Variants in ZDHHC11 observed in about 807,000 individuals in gnomAD.
ZDHHC11 encodes the protein zDHHC palmitoyltransferase 11, also known as palmitoyltransferase ZDHHC11.
Under a neutral mutation model 51.3 loss-of-function variants are expected in ZDHHC11, and 44 were observed. The ratio of observed to expected loss-of-function variants is 0.86; its 90% CI spans 0.67 to 1.10. The LOEUF is 1.10. Ranked by LOEUF, ZDHHC11 falls within the 50% of genes least tolerant of loss-of-function variation. The pLI is 0.00. For synonymous variants in ZDHHC11, 163 were observed against 222.0 expected (o/e 0.73, Z 2.36); for missense variants, 400 against 537.7 (o/e 0.74, Z 2.53).
At chr5:807,273 T>G (rs1204416533) in intron 11 of ZDHHC11, among the ~76,000 whole-genome samples, 1 of 150,018 alleles carries the variant, frequency 6.7e-6, no homozygotes, top group Non-Finnish European at 1.5e-5. Flanking sequence ...AATGAAAAAG[T>G]ATCCAATGTA....
At chr5:822,544 G>C (rs1212246332) in intron 8 of ZDHHC11, among the ~76,000 whole-genome samples, 3 of 151,578 alleles carry the variant, frequency 2.0e-5, no homozygotes, top group African/African-American at 7.3e-5. Context: ...CATATGATAA[G>C]TACATGCTCA....
chr5:852,599 G>A (rs185252325), upstream of ZDHHC11, among the ~76,000 whole-genome samples: 8 of 149,120 alleles, frequency 5.4e-5, no homozygotes, highest in Middle Eastern at 3.5e-3. Flanking sequence ...CAGACGCCAC[G>A]GAGGACAGTA....
chr5:829,561 C>T (rs1430388145), intron 7 of ZDHHC11, among the ~76,000 whole-genome samples: 7 of 151,486 alleles, frequency 4.6e-5, no homozygotes, highest in African/African-American at 1.7e-4. Context: ...TTCTATCAGG[C>T]ATCCAAAGAA....
intron 7 of ZDHHC11, among the ~76,000 whole-genome samples, chr5:831,493 T>G (rs612416): frequency 0.2 from 29,039 of 146,748 alleles, 4,215 homozygotes; most frequent in African/African-American, 0.38. Context: ...TGATGCAGGA[T>G]AATCGCTTCA....
chr5:838,427 C>T (rs1344387812), intron 5 of ZDHHC11, among the ~76,000 whole-genome samples: 3 of 152,098 alleles, frequency 2.0e-5, no homozygotes, highest in African/African-American at 2.4e-5. Flanking sequence ...CTGGGGCGGC[C>T]GCCCACAGAG....
upstream of ZDHHC11, among the ~76,000 whole-genome samples, chr5:859,137 T>C (rs943050311): frequency 9.9e-5 from 15 of 151,970 alleles, no homozygotes; most frequent in Non-Finnish European, 5.9e-5. Flanking sequence ...GTGGTCCATT[T>C]CCAAGACAAG....
chr5:841,571 C>T, intron 4 of ZDHHC11: 1 of 1,001,672 alleles, frequency 1.0e-6, no homozygotes, highest in Non-Finnish European at 1.2e-6. Flanking sequence ...AGCCTGCCAG[C>T]TCTGCCAGGC....
chr5:836,864 C>G lies in ZDHHC11; in HGVS notation c.900+501G>C, dbSNP rs539623348. Among the ~76,000 whole-genome samples, 52 of 149,772 alleles carry G rather than the reference C, an allele frequency of 3.5e-4. 3 individuals are homozygous for G. The highest frequency in any genetic ancestry group is 6.9e-4 in the Non-Finnish European group (46 of 67,146). On this transcript the variant is annotated intron_variant, in intron 6 of 12. Transcript: ENST00000283441. The stretch of plus-strand genomic sequence containing the variant: ...TCACCTGAGGCCAGAAGTTTGAGAC[C>G]AGCCTGGCGTGTTAAAACCACATCT...
rs144178902 is a variant in ZDHHC11 at position 850,417 on chromosome 5, G to A, written c.186C>T (p.Pro62=). Residue 62 remains proline, a synonymous_variant, in exon 1 of 13, where the codon CCC becomes CCT. Coordinates refer to ENST00000283441, the MANE Select transcript of ZDHHC11 (RefSeq NM_024786.3). ...TGTATTTCCACGCGTGAGGCAGGAAGGGAATGAAGATCCCGAAGGTGGCCG... is the reference window on the plus strand; with the variant it reads ...TGTATTTCCACGCGTGAGGCAGGAAAGGAATGAAGATCCCGAAGGTGGCCG... The part of the protein sequence containing the change: ...LSSATFGIFI[P]FLPHAWKYIA... The A allele has an allele frequency of 3.7e-6, 6 of 1,613,654 alleles. No individual in the cohort carries two copies. Among genetic ancestry groups the A allele is most frequent in the Non-Finnish European group, 5.1e-6 (6 of 1,180,016 alleles).
At chr5:854,183 C>T (rs1316867761), upstream of ZDHHC11, among the ~76,000 whole-genome samples, 1 of 147,448 alleles carries the variant, frequency 6.8e-6, no homozygotes, top group African/African-American at 2.5e-5. Flanking sequence ...GGACAGCGAG[C>T]CGGGGGGACA....
chr5:838,259 C>T (rs1353920995), intron 5 of ZDHHC11, among the ~76,000 whole-genome samples: 1 of 151,990 alleles, frequency 6.6e-6, no homozygotes, highest in African/African-American at 2.4e-5. Context: ...AAACCTGATA[C>T]ACCCGTTTAT....
intron 7 of ZDHHC11, among the ~76,000 whole-genome samples, 157 bp from the exon 8 acceptor site, chr5:825,408 T>A (rs768340742): frequency 6.6e-6 from 1 of 152,056 alleles, no homozygotes; most frequent in African/African-American, 2.4e-5. Flanking sequence ...GTTGTCTAAG[T>A]ACTCCTGCGT....
chr5:819,754 G>A lies in ZDHHC11; in HGVS notation c.1059-142C>T, dbSNP rs555909453. ...GAAACTGGAGACCAGCAGCTCCCGG[G>A]AGGTTGTGTGAGTGCTCCCGGGTTA... On this transcript the variant is annotated intron_variant, in intron 9 of 12. Coordinates refer to ENST00000283441, the MANE Select transcript of ZDHHC11 (RefSeq NM_024786.3). 5.0e-5 allele frequency: 39 copies of A among 783,898 alleles called. 2 individuals carry two copies. The highest frequency in any genetic ancestry group is 8.3e-5 in the Non-Finnish European group (39 of 472,590). 48.6% of individuals were successfully genotyped at this position (783,898 alleles called of 1,614,324 possible). A position where few individuals can be genotyped will look rare whatever the true frequency, so the allele number is the denominator to read the frequency against.
intron 1 of ZDHHC11, among the ~76,000 whole-genome samples, chr5:856,194 C>T (rs1748212181): frequency 6.6e-6 from 1 of 151,726 alleles, no homozygotes. Context: ...ACCACACACA[C>T]CACACACCAC....
In ZDHHC11 at chr5:815,315, A is replaced by C. The variant is rs1306678862; in HGVS notation, c.1147-520T>G. Among the ~76,000 whole-genome samples, 3 of 150,286 alleles carry C rather than the reference A, an allele frequency of 2.0e-5. No individual in the cohort carries two copies. The Admixed American group carries it at 2.0e-4, about 10-fold the overall frequency. On this transcript the variant is annotated intron_variant, in intron 10 of 12. Coordinates refer to ENST00000283441, the MANE Select transcript of ZDHHC11 (RefSeq NM_024786.3). ...AATACATTTCTTGTTCCAACACCCC[A>C]TGTGTGGTTCCTGCTTGTGGAAGCT...
Position 819,556 on chromosome 5 carries a change from C to T in ZDHHC11, c.1115G>A (p.Arg372His), listed in dbSNP as rs3747738. 2.7e-3 allele frequency: 4,296 copies of T among 1,608,400 alleles called. 2 individuals carry two copies. In the East Asian group the frequency reaches 0.066, roughly 25 times the overall value. ...ICRRLCQFSTRVHPDGGSMAQ... is the reference protein window; with the variant it reads ...ICRRLCQFSTHVHPDGGSMAQ... ...CATCGAGCCCCCGTCTGGGTGTACA[C>T]GAGTGGAGAACTGACACAGGCGCCT... The change falls in exon 10 of 13, where the codon CGT becomes CAT. Residue 372 changes from arginine (R) to histidine (H), a missense_variant. Arg to His is a conservative substitution (Grantham distance 29, BLOSUM62 0). Around this residue, in one of 5 missense-constraint regions of ZDHHC11, gnomAD observed 231 missense variants for 227.4 expected, o/e 1.02. Coordinates refer to ENST00000283441, the MANE Select transcript of ZDHHC11 (RefSeq NM_024786.3).
intron 10 of ZDHHC11, among the ~76,000 whole-genome samples, chr5:818,883 T>C (rs1741192407): frequency 6.6e-6 from 1 of 151,140 alleles, no homozygotes. Flanking sequence ...AACAACCCAG[T>C]AGAAACCGCT....
At chr5:834,128 T>G (rs1378754146) in intron 6 of ZDHHC11, among the ~76,000 whole-genome samples, 1 of 152,304 alleles carries the variant, frequency 6.6e-6, no homozygotes, top group African/African-American at 2.4e-5. Context: ...TTGCAATTTC[T>G]CTACAACTTC....
At chr5:845,277 GGGCTTGAGCC>G (rs1209280199) in intron 3 of ZDHHC11, among the ~76,000 whole-genome samples, 1 of 152,404 alleles carries the variant, frequency 6.6e-6, no homozygotes, top group Admixed American at 6.5e-5. Context: ...CAGTCCTCCT[GGGCTTGAGCC>G]CACTTGTGGG....
Sources: gnomAD v4.1 joint callset for allele counts (sites outside exome capture counted in the v4.1 genomes callset) on GRCh38, gnomAD v4.1.1 for gene constraint, gnomAD v4.1.1 regional missense constraint, MANE v1.5 for transcripts, NCBI Gene and HGNC (gene_info 2026-07-23, HGNC 2026-07-21) for gene names.